UNC5B: variants seen among roughly 807,000 people sequenced by gnomAD.
The protein encoded by UNC5B is unc-5 netrin receptor B.
In UNC5B, 56 loss-of-function variants were observed where a neutral mutation model predicts 103.7. The ratio of observed to expected loss-of-function variants is 0.54; its 90% CI spans 0.44 to 0.67. The LOEUF is 0.67. Ranked by LOEUF, UNC5B falls within the 30% of genes least tolerant of loss-of-function variation. UNC5B has a pLI of 0.00. For missense variants in UNC5B, 1,194 were observed against 1,284.5 expected, an observed-to-expected ratio of 0.93 and a Z score of 1.08; for synonymous variants, 577 against 542.0, an observed-to-expected ratio of 1.06 and a Z score of -0.90.
chr10:71,215,808 TGTG>T (rs1175804849), intron 1 of UNC5B, among the ~76,000 whole-genome samples: 1 of 5,538 alleles, frequency 1.8e-4, no homozygotes, highest in African/African-American at 3.9e-4. Context: ...CTCTGCTTGG[TGTG>T]TGTGTGTGTG....
At position 71,213,762 on chromosome 10, in the gene UNC5B, T is replaced by TGTGTGTGTGTGTGTGTGC. The variant is rs1589143066; in HGVS notation, c.79+698_79+699insGTGTGTGTGTGTGTGTGC. The stretch of plus-strand genomic sequence containing the variant: ...GTGTGTGTGTGTGTGTGTGTGTGTG[T>TGTGTGTGTGTGTGTGTGC]TGGATGCGGGTAGGGGTTCTTAGCG... On this transcript the variant is annotated intron_variant, in intron 1 of 16. Coordinates refer to ENST00000335350, the MANE Select transcript of UNC5B (RefSeq NM_170744.5). The surrounding 1 kb of genome is among the most constrained non-coding windows in gnomAD (Gnocchi z 4.1). Among the ~76,000 whole-genome samples, 1 of 148,086 alleles carries TGTGTGTGTGTGTGTGTGC rather than the reference T, an allele frequency of 6.8e-6. No homozygotes were observed. Among genetic ancestry groups the TGTGTGTGTGTGTGTGTGC allele is most frequent in the African/African-American group, 2.5e-5 (1 of 39,932 alleles).
chr10:71,225,099 A>G (rs947098540), intron 1 of UNC5B, among the ~76,000 whole-genome samples: 2 of 152,196 alleles, frequency 1.3e-5, no homozygotes, highest in Admixed American at 1.3e-4. Context: ...GGAGTCTGGA[A>G]TCTCCAGCTC....
intron 16 of UNC5B, 50 bp from the exon 17 acceptor site, chr10:71,299,062 G>C (rs552572829): frequency 1.2e-6 from 2 of 1,606,350 alleles, no homozygotes; most frequent in African/African-American, 2.7e-5. Context: ...CCAGGCTCCG[G>C]GGAGGGGCTA....
intron 8 of UNC5B, among the ~76,000 whole-genome samples, chr10:71,290,373 C>T (rs950534299): frequency 1.3e-5 from 2 of 152,198 alleles, no homozygotes; most frequent in African/African-American, 4.8e-5. Flanking sequence ...TCTTCTCCAC[C>T]GCATTGTTGT....
Position 71,227,613 on chromosome 10 carries a change from T to C in UNC5B, c.79+14549T>C. Among the ~76,000 whole-genome samples, 3 of 143,706 alleles carry C rather than the reference T, an allele frequency of 2.1e-5. No homozygotes were observed. In the South Asian group the frequency reaches 6.4e-4, roughly 31 times the overall value. The allele number at this position is 143,706 out of a possible 152,430, so 94.3% of individuals were successfully genotyped here. On this transcript the variant is annotated intron_variant, in intron 1 of 16. Transcript: ENST00000335350. ...AATTTTGTATACATACATATATACA[T>C]ATATATACATATATACATATATATA...
chr10:71,281,440 A>G (rs1844926123), intron 2 of UNC5B, among the ~76,000 whole-genome samples: 1 of 151,746 alleles, frequency 6.6e-6, no homozygotes, highest in Non-Finnish European at 1.5e-5. Flanking sequence ...TCCCAGATTC[A>G]AGCAATTCTC....
intron 5 of UNC5B, 108 bp downstream of exon 5, chr10:71,286,977 G>A: frequency 3.5e-6 from 5 of 1,444,158 alleles, no homozygotes; most frequent in East Asian, 4.6e-5. Flanking sequence ...GCCCAGAGAG[G>A]GGAAGTGAAT....
In UNC5B at chr10:71,296,717, T is replaced by C. The variant is rs764266766; in HGVS notation, c.2465T>C (p.Phe822Ser). The C allele has an allele frequency of 4.3e-6, 7 of 1,610,284 alleles. No homozygotes were observed. Among genetic ancestry groups the C allele is most frequent in the Non-Finnish European group, 5.9e-6 (7 of 1,178,366 alleles). Reference protein sequence around the residue: ...VRQVEGEGQIFQLHTTLAETP... With the variant: ...VRQVEGEGQISQLHTTLAETP... ...CAAGTGGAAGGGGAGGGCCAGATAT[T>C]CCAGCTGCATACCACTCTGGCAGAG... Residue 822 changes from phenylalanine (F) to serine (S), a missense_variant, in exon 15 of 17, where the codon TTC (phenylalanine) becomes TCC (serine). Physicochemically the swap from Phe to Ser is radical, Grantham distance 155. Transcript: ENST00000335350.
chr10:71,221,846 T>A (rs541827315), intron 1 of UNC5B, among the ~76,000 whole-genome samples: 2 of 152,336 alleles, frequency 1.3e-5, no homozygotes, highest in South Asian at 4.1e-4. Context: ...TTGCTTACCC[T>A]CTCTGAGCTT....
chr10:71,288,924 A>C, intron 7 of UNC5B, 34 bp from the exon 8 acceptor site: 1 of 1,589,424 alleles, frequency 6.3e-7, no homozygotes, highest in Non-Finnish European at 8.6e-7. Flanking sequence ...CCTGTCACCT[A>C]TGTCATTGTC....
intron 15 of UNC5B, among the ~76,000 whole-genome samples, chr10:71,297,171 C>A (rs1845462823): frequency 6.6e-6 from 1 of 152,248 alleles, no homozygotes. Context: ...CCTCCCAAGT[C>A]TGAGCGGGTA....
intron 1 of UNC5B, among the ~76,000 whole-genome samples, chr10:71,237,362 C>T (rs1387855286): frequency 6.6e-6 from 1 of 152,208 alleles, no homozygotes. Context: ...AGCAATCTAC[C>T]CCATAACGTC....
chr10:71,247,429 C>G (rs1288204331), intron 1 of UNC5B, among the ~76,000 whole-genome samples: 1 of 152,234 alleles, frequency 6.6e-6, no homozygotes, highest in African/African-American at 2.4e-5. Flanking sequence ...CCTGCCCCTA[C>G]CTGGCTAACA....
rs573435843 is a variant in UNC5B, at chr10:71,213,270, A to G, written c.79+206A>G. ...GCGGGGAGCAGGGAAGGGGCTTCAC[A>G]GTAAGCTGAAAGGTCCCTGCTCGCT... On this transcript the variant is annotated intron_variant, in intron 1 of 16. Transcript: ENST00000335350. This position sits in a 1 kb window ranked among gnomAD's most constrained non-coding sequence, Gnocchi z 4.1. Among the ~76,000 whole-genome samples the G allele has an allele frequency of 6.6e-6, 1 of 152,194 alleles. No homozygotes were observed. Among genetic ancestry groups the G allele is most frequent in the Non-Finnish European group, 1.5e-5 (1 of 68,020 alleles).
chr10:71,251,406 T>A (rs1487649832), intron 1 of UNC5B, among the ~76,000 whole-genome samples: 1 of 152,198 alleles, frequency 6.6e-6, no homozygotes, highest in Non-Finnish European at 1.5e-5. Context: ...AGAAACGCTG[T>A]ACATGGCATT....
chr10:71,212,724 G>T lies in UNC5B; in HGVS notation c.-262G>T, dbSNP rs565587214. The T allele has an allele frequency of 3.1e-6, 1 of 327,068 alleles. No homozygotes were observed. The highest frequency in any genetic ancestry group is 2.2e-5 in the African/African-American group (1 of 46,290). 20.3% of individuals were successfully genotyped at this position (327,068 alleles called of 1,614,324 possible). A position where few individuals can be genotyped will look rare whatever the true frequency, so the allele number is the denominator to read the frequency against. ...TTCGGAGGCACAGCGCCGGAGCCAGGCGAGCGCTCAGAGACCCGGAGCCAG... is the reference window on the plus strand; with the variant it reads ...TTCGGAGGCACAGCGCCGGAGCCAGTCGAGCGCTCAGAGACCCGGAGCCAG... On this transcript the variant is annotated 5_prime_UTR_variant, in exon 1 of 17. Coordinates refer to ENST00000335350, the MANE Select transcript of UNC5B (RefSeq NM_170744.5).
intron 16 of UNC5B, 70 bp downstream of exon 16, chr10:71,298,160 C>T: frequency 2.0e-6 from 3 of 1,505,500 alleles, no homozygotes; most frequent in Non-Finnish European, 2.7e-6. Context: ...GCAGGCAGGG[C>T]AGGCAGCCTG....
chr10:71,272,359 C>A (rs1183021532), intron 1 of UNC5B, among the ~76,000 whole-genome samples: 1 of 152,182 alleles, frequency 6.6e-6, no homozygotes, highest in Non-Finnish European at 1.5e-5. Flanking sequence ...CAGATGCCCA[C>A]CCCTGGTGGA....
intron 2 of UNC5B, among the ~76,000 whole-genome samples, chr10:71,284,425 G>A (rs976495270): frequency 2.6e-5 from 4 of 152,330 alleles, no homozygotes; most frequent in East Asian, 3.9e-4. Flanking sequence ...CTGAGACCCC[G>A]CATGAAGGGT....
Sources: allele counts gnomAD v4.1 joint callset (sites outside exome capture counted in the v4.1 genomes callset), GRCh38; gene constraint gnomAD v4.1.1; non-coding constraint Gnocchi (gnomAD v3.1); transcripts MANE v1.5; gene names NCBI Gene and HGNC (gene_info 2026-07-23, HGNC 2026-07-21).